Variants in WDHD1 observed in about 807,000 individuals in gnomAD.
WDHD1 encodes the protein WD repeat and HMG-box DNA-binding protein 1.
A neutral mutation model predicts 135.4 loss-of-function variants in WDHD1; 111 were observed. That is an observed-to-expected ratio of 0.82 (90% confidence interval 0.70 to 0.96). WDHD1 has a LOEUF of 0.96. WDHD1 is among the 40% of genes least tolerant of loss of function. The probability of loss-of-function intolerance (pLI) is 0.00; values close to 1 mark genes in which losing one functional copy is unlikely to be tolerated. For missense variants in WDHD1, 1,351 were observed against 1,336.3 expected (o/e 1.01, Z -0.17); for synonymous variants, 434 against 439.0 (o/e 0.99, Z 0.14).
chr14:54,947,618 G>A (rs1453604396), intron 24 of WDHD1, among the ~76,000 whole-genome samples: 1 of 151,966 alleles, frequency 6.6e-6, no homozygotes. Flanking sequence ...CTGAGATGGA[G>A]TCTCACTCTG....
chr14:54,944,501 T>C, intron 24 of WDHD1, 31 bp from the exon 25 acceptor site: 2 of 1,546,998 alleles, frequency 1.3e-6, no homozygotes, highest in Non-Finnish European at 1.7e-6. Flanking sequence ...AAACATTTTA[T>C]ACTTAAGACA....
intron 16 of WDHD1, 44 bp from the exon 17 acceptor site, chr14:54,967,438 T>C (rs1218865307): frequency 1.4e-6 from 2 of 1,427,926 alleles, no homozygotes; most frequent in South Asian, 2.5e-5. Flanking sequence ...TACTAACATG[T>C]CATAAAAACT....
chr14:54,977,339 T>C (rs1214071118), intron 16 of WDHD1, among the ~76,000 whole-genome samples: 3 of 152,200 alleles, frequency 2.0e-5, no homozygotes, highest in Non-Finnish European at 2.9e-5. Context: ...GTTTCCACTT[T>C]ACATACTAAA....
rs531185279 is a variant in WDHD1 at position 54,975,101 on chromosome 14, GA to G, written c.2063+6438del. Among the ~76,000 whole-genome samples, 13 of 152,236 alleles carry G rather than the reference GA, an allele frequency of 8.5e-5. No individual in the cohort carries two copies. In the East Asian group the frequency reaches 2.5e-3, roughly 29 times the overall value. ...ATGCTAATTCAGTGAACACAACTAG[GA>G]AAAATGTCTAGTTTTCAAGCACATT... On this transcript the variant is annotated intron_variant, in intron 16 of 25. Transcript: ENST00000360586.
chr14:54,956,985 A>T, intron 23 of WDHD1, 49 bp downstream of exon 23: 1 of 1,577,092 alleles, frequency 6.3e-7, no homozygotes, highest in Non-Finnish European at 8.6e-7. Context: ...AACTGAAGAC[A>T]AACAGATCCC....
chr14:54,947,516 A>G (rs1423814573), intron 24 of WDHD1, among the ~76,000 whole-genome samples: 1 of 152,206 alleles, frequency 6.6e-6, no homozygotes, highest in Non-Finnish European at 1.5e-5. Context: ...ATACTTTATT[A>G]TTATTTTTCT....
intron 24 of WDHD1, 81 bp from the exon 25 acceptor site, chr14:54,944,551 C>G: frequency 1.5e-6 from 2 of 1,347,996 alleles, no homozygotes; most frequent in Non-Finnish European, 2.0e-6. Flanking sequence ...AGTAATCAAC[C>G]ATAAGTCTCT....
At chr14:54,983,946 CT>C (rs1288878777) in intron 15 of WDHD1, among the ~76,000 whole-genome samples, 7 of 152,072 alleles carry the variant, frequency 4.6e-5, no homozygotes, top group South Asian at 2.1e-4. Context: ...ATTTTTATAT[CT>C]TTTTTCATGC....
chr14:54,953,305 G>A (rs186361850), intron 24 of WDHD1, among the ~76,000 whole-genome samples: 63 of 152,260 alleles, frequency 4.1e-4, no homozygotes, highest in Non-Finnish European at 7.2e-4. Context: ...TCAAAAAGTG[G>A]GCGAAGGATA....
Position 54,995,731 on chromosome 14 carries a change from T to C in WDHD1, c.1025A>G (p.Asn342Ser), listed in dbSNP as rs1399069550. The C allele has an allele frequency of 1.2e-6, 2 of 1,613,540 alleles. No homozygotes were observed. The highest frequency in any genetic ancestry group is 1.1e-5 in the South Asian group (1 of 90,986). ...MSNAGDFLND[N>S]AVEIPSFSKG... ...TGAAAAAGAAGGGATCTCAACTGCA[T>C]TGTCATTTAGAAAATCACCAGCATT... is the stretch of plus-strand genomic sequence containing the variant. Residue 342 changes from asparagine (N) to serine (S), a missense_variant, in exon 11 of 26, where the codon AAT becomes AGT. By Grantham distance (46) the Asn-to-Ser change is conservative. Coordinates refer to ENST00000360586, the MANE Select transcript of WDHD1 (RefSeq NM_007086.4).
intron 2 of WDHD1, among the ~76,000 whole-genome samples, chr14:55,020,990 C>T (rs941472131): frequency 6.6e-6 from 1 of 152,022 alleles, no homozygotes; most frequent in African/African-American, 2.4e-5. Context: ...AGAAGGCTGA[C>T]GGGGAACACG....
chr14:55,016,725 A>G (rs1302984737), intron 2 of WDHD1, among the ~76,000 whole-genome samples: 1 of 152,198 alleles, frequency 6.6e-6, no homozygotes, highest in Non-Finnish European at 1.5e-5. Flanking sequence ...ATTGATTTAA[A>G]CCTACATAGC....
chr14:54,968,900 G>A (rs529741283), intron 16 of WDHD1, among the ~76,000 whole-genome samples: 2 of 152,236 alleles, frequency 1.3e-5, no homozygotes, highest in African/African-American at 4.8e-5. Flanking sequence ...AGATTAGCCA[G>A]GTGTGGTGGT....
chr14:54,958,489 C>G (rs1281137747), intron 21 of WDHD1, among the ~76,000 whole-genome samples: 4 of 152,160 alleles, frequency 2.6e-5, no homozygotes, highest in Non-Finnish European at 5.9e-5. Flanking sequence ...CCCATACATT[C>G]CTCCATACAA....
Position 54,944,616 on chromosome 14 carries a change from CTTTTTTTTTTTTT to C in WDHD1, c.3051-159_3051-147del. On this transcript the variant is annotated intron_variant, in intron 24 of 25. Transcript: ENST00000360586. ...CAGTTACACTTGTTAATTCATGTTA[CTTTTTTTTTTTTT>C]TTTTTTTTGAGACAGAGTCTCACTC... 1.5e-5 allele frequency: 4 copies of C among 269,512 alleles called. No homozygotes were observed. In the East Asian group the frequency reaches 3.3e-4, roughly 22 times the overall value. The allele number at this position is 269,512 out of a possible 1,614,324, so 16.7% of individuals were successfully genotyped here.
At chr14:54,951,050 T>C (rs867919477) in intron 24 of WDHD1, among the ~76,000 whole-genome samples, 1 of 151,286 alleles carries the variant, frequency 6.6e-6, no homozygotes. Flanking sequence ...AAGCAGAAAA[T>C]ATCTAAAATT....
chr14:54,998,008 TC>T, intron 10 of WDHD1, among the ~76,000 whole-genome samples: 1 of 151,606 alleles, frequency 6.6e-6, no homozygotes, highest in Non-Finnish European at 1.5e-5. Context: ...GGTCAGGAAT[TC>T]AAGACCAGCC....
intron 11 of WDHD1, among the ~76,000 whole-genome samples, chr14:54,994,012 T>C (rs1002872923): frequency 5.9e-5 from 9 of 152,224 alleles, no homozygotes; most frequent in African/African-American, 2.2e-4. Context: ...GCACTGCACA[T>C]TGGCATTTTA....
chr14:54,986,724 T>A (rs2041700273), intron 14 of WDHD1, among the ~76,000 whole-genome samples: 1 of 152,190 alleles, frequency 6.6e-6, no homozygotes, highest in South Asian at 2.1e-4. Context: ...ATCGGTTACC[T>A]TGATAAGACC....
Sources: allele counts gnomAD v4.1 joint callset (sites outside exome capture counted in the v4.1 genomes callset), GRCh38; gene constraint gnomAD v4.1.1; transcripts MANE v1.5; gene names NCBI Gene and HGNC (gene_info 2026-07-23, HGNC 2026-07-21).